Variants in ST3GAL3 observed in about 807,000 individuals in gnomAD.
The protein encoded by ST3GAL3 is CMP-N-acetylneuraminate-beta-1,4-galactoside alpha-2,3-sialyltransferase.
A neutral mutation model predicts 50.1 loss-of-function variants in ST3GAL3; 21 were observed. That is an observed-to-expected ratio of 0.42 (90% CI 0.30 to 0.60). ST3GAL3 has a LOEUF of 0.60. Ranked by LOEUF, ST3GAL3 falls within the 20% of genes least tolerant of loss-of-function variation. ST3GAL3 has a pLI of 0.19. For synonymous variants in ST3GAL3, 183 were observed against 190.0 expected (o/e 0.96, Z 0.30); for missense variants, 353 against 489.4 (o/e 0.72, Z 2.63).
At chr1:43,815,405 A>T (rs865852141) in intron 4 of ST3GAL3, among the ~76,000 whole-genome samples, 1 of 152,180 alleles carries the variant, frequency 6.6e-6, no homozygotes, top group South Asian at 2.1e-4. Flanking sequence ...TGTGCTTGTT[A>T]TCTGTGCCTG....
At chr1:43,768,863 A>G (rs1694067396) in intron 2 of ST3GAL3, among the ~76,000 whole-genome samples, 1 of 152,236 alleles carries the variant, frequency 6.6e-6, no homozygotes, top group Non-Finnish European at 1.5e-5. Flanking sequence ...ACAGTTCCAG[A>G]GAACTGAAAA....
Position 43,899,427 on chromosome 1 carries a change from G to A in ST3GAL3, c.558-114G>A, listed in dbSNP as rs1558786290. 1 of 1,573,458 alleles carries A rather than the reference G, an allele frequency of 6.4e-7. No individual in the cohort carries two copies. Among genetic ancestry groups the A allele is most frequent in the East Asian group, 2.3e-5 (1 of 43,626 alleles). ...AACAGACAACTAGCGGGGGCACCTGGGGAGAATAGGTCCAGGTGACCTGGA... is the reference window on the plus strand; with the variant it reads ...AACAGACAACTAGCGGGGGCACCTGAGGAGAATAGGTCCAGGTGACCTGGA... On this transcript the variant is annotated intron_variant, in intron 8 of 11. Coordinates refer to ENST00000347631, the MANE Select transcript of ST3GAL3 (RefSeq NM_006279.5). The surrounding 1 kb of genome is among the most constrained non-coding windows in gnomAD (Gnocchi z 5.4).
At chr1:43,791,264 A>G (rs1159941716) in intron 2 of ST3GAL3, among the ~76,000 whole-genome samples, 1 of 152,196 alleles carries the variant, frequency 6.6e-6, no homozygotes, top group East Asian at 1.9e-4. Flanking sequence ...TTCTAGTTAA[A>G]TAGTTTGTTC....
intron 2 of ST3GAL3, among the ~76,000 whole-genome samples, chr1:43,775,016 G>T (rs1159442649): frequency 1.3e-5 from 2 of 152,044 alleles, no homozygotes; most frequent in Non-Finnish European, 2.9e-5. Context: ...AGATGCTTAC[G>T]CCACACCTCC....
chr1:43,908,713 G>A (rs998940205), intron 9 of ST3GAL3, among the ~76,000 whole-genome samples: 2 of 148,410 alleles, frequency 1.3e-5, no homozygotes, highest in Non-Finnish European at 3.0e-5. Context: ...TGAAACCTCC[G>A]CCACCCCCTC....
At chr1:43,708,035 A>G (rs1662348714) in intron 1 of ST3GAL3, 1 of 152,384 alleles carries the variant, frequency 6.6e-6, no homozygotes, top group South Asian at 2.1e-4. Flanking sequence ...CTGCTGTGGG[A>G]AAAGGAAAGA....
intron 3 of ST3GAL3, among the ~76,000 whole-genome samples, chr1:43,809,826 C>G (rs2060325788): frequency 6.6e-6 from 1 of 151,918 alleles, no homozygotes; most frequent in Admixed American, 6.6e-5. Flanking sequence ...AACTCCGTCT[C>G]TACTAAAAAT....
rs78700565 is a variant in ST3GAL3 at position 43,862,028 on chromosome 1, T to TAA, written c.302+23734_302+23735dup. 1.4e-3 allele frequency among the ~76,000 whole-genome samples: 183 copies of TAA among 130,960 alleles called. 1 individual carries two copies. Among genetic ancestry groups the TAA allele is most frequent in the African/African-American group, 4.8e-3 (174 of 35,984 alleles). 85.9% of individuals were successfully genotyped at this position (130,960 alleles called of 152,430 possible). ...GGGCAACAAGAGCGAAAATCTGTCT[T>TAA]AAAAAAAAAAAAAAAAAAGAGAGAC... is the stretch of plus-strand genomic sequence containing the variant. On this transcript the variant is annotated intron_variant, in intron 5 of 11. Coordinates refer to ENST00000347631, the MANE Select transcript of ST3GAL3 (RefSeq NM_006279.5).
intron 5 of ST3GAL3, among the ~76,000 whole-genome samples, chr1:43,870,791 G>C (rs1419615011): frequency 6.6e-6 from 1 of 152,154 alleles, no homozygotes; most frequent in Non-Finnish European, 1.5e-5. Context: ...GTGGGTGTCT[G>C]CAGAGAGGCA....
In ST3GAL3 at chr1:43,721,836, G is replaced by C. The variant is rs1011829280; in HGVS notation, c.-31+14143G>C. 5.3e-5 allele frequency among the ~76,000 whole-genome samples: 8 copies of C among 152,122 alleles called. No homozygotes were observed. In the East Asian group the frequency reaches 1.5e-3, roughly 29 times the overall value. Reference sequence around the variant, plus strand: ...GGCTGGTCTTGAACTCCTGACCTAAGGTGATCTGCCTGCCTTGGCCTCCCA... The same window carrying C: ...GGCTGGTCTTGAACTCCTGACCTAACGTGATCTGCCTGCCTTGGCCTCCCA... On this transcript the variant is annotated intron_variant, in intron 1 of 11. Coordinates refer to ENST00000347631, the MANE Select transcript of ST3GAL3 (RefSeq NM_006279.5).
intron 5 of ST3GAL3, among the ~76,000 whole-genome samples, chr1:43,871,137 C>G (rs953479794): frequency 6.6e-6 from 1 of 152,136 alleles, no homozygotes; most frequent in Admixed American, 6.5e-5. Flanking sequence ...AGCCATGGCC[C>G]GAATGAGCAG....
intron 9 of ST3GAL3, among the ~76,000 whole-genome samples, chr1:43,918,617 G>A (rs2082490558): frequency 6.6e-6 from 1 of 151,882 alleles, no homozygotes; most frequent in Non-Finnish European, 1.5e-5. Context: ...TATAATTGTT[G>A]TAATAAGTGC....
intron 3 of ST3GAL3, among the ~76,000 whole-genome samples, chr1:43,795,447 C>T (rs1037424033): frequency 1.3e-5 from 2 of 152,206 alleles, no homozygotes; most frequent in Non-Finnish European, 2.9e-5. Flanking sequence ...TATTCATGCT[C>T]TCATGGAATA....
intron 5 of ST3GAL3, among the ~76,000 whole-genome samples, chr1:43,877,382 C>A (rs544525971): frequency 1.3e-5 from 2 of 152,202 alleles, no homozygotes; most frequent in South Asian, 4.2e-4. Context: ...GTTGGCTCAC[C>A]CTTCTCACTT....
At chr1:43,762,353 A>AG (rs1558187157) in intron 2 of ST3GAL3, among the ~76,000 whole-genome samples, 2 of 151,696 alleles carry the variant, frequency 1.3e-5, no homozygotes, top group African/African-American at 4.8e-5. Flanking sequence ...TCAGAGACTT[A>AG]TTTAGTCTCT....
intron 5 of ST3GAL3, chr1:43,838,582 T>TA: frequency 2.4e-6 from 1 of 417,160 alleles, no homozygotes; most frequent in East Asian, 5.4e-5. Flanking sequence ...GCAAGCCAGG[T>TA]ATCCAGAGGC....
chr1:43,735,910 C>T (rs1678191591), intron 1 of ST3GAL3, among the ~76,000 whole-genome samples: 1 of 152,154 alleles, frequency 6.6e-6, no homozygotes, highest in African/African-American at 2.4e-5. Context: ...GCTGTGATAA[C>T]ACAATCTAGG....
intron 9 of ST3GAL3, among the ~76,000 whole-genome samples, chr1:43,905,539 C>G (rs1207279792): frequency 7.2e-6 from 1 of 138,142 alleles, no homozygotes; most frequent in Non-Finnish European, 1.6e-5. Flanking sequence ...TTTTCCTCCC[C>G]CTCCTTCTGC....
chr1:43,862,662 C>G (rs1411544506), intron 5 of ST3GAL3, among the ~76,000 whole-genome samples: 1 of 150,196 alleles, frequency 6.7e-6, no homozygotes. Flanking sequence ...AATCCCAACA[C>G]TTTGGGAGGC....
Sources: gnomAD v4.1 joint callset for allele counts (sites outside exome capture counted in the v4.1 genomes callset) on GRCh38, gnomAD v4.1.1 for gene constraint, Gnocchi (gnomAD v3.1) non-coding constraint, MANE v1.5 for transcripts, NCBI Gene and HGNC (gene_info 2026-07-23, HGNC 2026-07-21) for gene names.